VPS53: variants seen among roughly 807,000 people sequenced by gnomAD.
The protein encoded by VPS53 is vacuolar protein sorting-associated protein 53 homolog.
In VPS53, 70 loss-of-function variants were observed where a neutral mutation model predicts 107.0. The observed-to-expected ratio is 0.65, with a 90% CI of 0.54 to 0.80. The LOEUF (loss-of-function observed/expected upper bound fraction) is 0.80. Among genes scored for constraint, VPS53 ranks in the 30% least tolerant of loss-of-function variants. VPS53 has a pLI of 0.00. For missense variants in VPS53, 917 were observed against 1,049.4 expected (o/e 0.87, Z 1.74); for synonymous variants, 409 against 393.3 (o/e 1.04, Z -0.47).
At chr17:559,772 CAG>C (rs1316875780) in intron 15 of VPS53, among the ~76,000 whole-genome samples, 6 of 152,346 alleles carry the variant, frequency 3.9e-5, no homozygotes, top group African/African-American at 1.4e-4. Flanking sequence ...CTCTTGGCCT[CAG>C]GGGAATCCCA....
chr17:548,163 GA>G (rs1051940067), intron 17 of VPS53, among the ~76,000 whole-genome samples: 4 of 152,244 alleles, frequency 2.6e-5, no homozygotes, highest in African/African-American at 9.6e-5. Flanking sequence ...GTGAGCGGCA[GA>G]AACTGACCTA....
intron 17 of VPS53, among the ~76,000 whole-genome samples, chr17:541,843 G>A (rs968657349): frequency 4.8e-5 from 7 of 144,706 alleles, no homozygotes; most frequent in African/African-American, 1.6e-4. Context: ...GACCTACCAC[G>A]CACCAGGGGC....
At chr17:672,309 C>A (rs918173966) in intron 4 of VPS53, among the ~76,000 whole-genome samples, 1 of 152,036 alleles carries the variant, frequency 6.6e-6, no homozygotes, top group African/African-American at 2.4e-5. Flanking sequence ...TCAAACGAGA[C>A]ACAACAGGAT....
Position 561,393 on chromosome 17 carries a change from C to G in VPS53, c.1557-820G>C, listed in dbSNP as rs114007177. On this transcript the variant is annotated intron_variant, in intron 14 of 21. Transcript: ENST00000437048. ...AGTCTCTCTACTGACATAATCCCAGCTGAGTATGCCATTTTTTTCTGCTGA... is the reference window on the plus strand; with the variant it reads ...AGTCTCTCTACTGACATAATCCCAGGTGAGTATGCCATTTTTTTCTGCTGA... Among the ~76,000 whole-genome samples, 964 of 152,316 alleles carry G rather than the reference C, an allele frequency of 6.3e-3. 11 individuals are homozygous for G. Among genetic ancestry groups the G allele is most frequent in the African/African-American group, 0.022 (922 of 41,564 alleles).
chr17:578,300 C>T (rs1398061139), intron 13 of VPS53, among the ~76,000 whole-genome samples: 2 of 150,278 alleles, frequency 1.3e-5, no homozygotes, highest in Admixed American at 6.6e-5. Context: ...GAACCTAATG[C>T]GTTCCCAGAG....
intron 4 of VPS53, among the ~76,000 whole-genome samples, chr17:687,969 A>G (rs960296608): frequency 1.9e-4 from 29 of 152,196 alleles, no homozygotes; most frequent in African/African-American, 6.5e-4. Context: ...AACTACACCA[A>G]TCCTTAGAGA....
chr17:530,086 T>C (rs910654815), intron 19 of VPS53, among the ~76,000 whole-genome samples: 1 of 151,612 alleles, frequency 6.6e-6, no homozygotes, highest in Non-Finnish European at 1.5e-5. Flanking sequence ...TGCTGGTATA[T>C]AGAAATATAT....
chr17:622,408 A>T (rs185668247), intron 11 of VPS53, among the ~76,000 whole-genome samples: 1 of 151,412 alleles, frequency 6.6e-6, no homozygotes, highest in East Asian at 1.9e-4. Flanking sequence ...AAACAAATCT[A>T]GCTCTAAAGA....
chr17:708,348 CAG>C lies in VPS53; in HGVS notation c.168+2183_168+2184del, dbSNP rs375351538. ...GCCCTTCCCTTTGTGGTAGCCGAAG[CAG>C]AGAGGGAGGACAGCAGACGTCAGCA... On this transcript the variant is annotated intron_variant, in intron 2 of 21. Transcript: ENST00000437048. Among the ~76,000 whole-genome samples the C allele has an allele frequency of 6.6e-3, 1,011 of 152,298 alleles. 15 individuals are homozygous for C. The highest frequency in any genetic ancestry group is 0.023 in the African/African-American group (967 of 41,556).
intron 18 of VPS53, among the ~76,000 whole-genome samples, chr17:535,503 T>C (rs1485791013): frequency 2.0e-5 from 3 of 148,846 alleles, no homozygotes; most frequent in Non-Finnish European, 4.5e-5. Context: ...TTCACTTTAA[T>C]GTAAGCTCAA....
chr17:699,222 C>A, intron 3 of VPS53, 109 bp downstream of exon 3: 2 of 793,820 alleles, frequency 2.5e-6, no homozygotes, highest in Non-Finnish European at 3.7e-6. Flanking sequence ...CCATCTATGG[C>A]AAACTTGAGA....
intron 11 of VPS53, among the ~76,000 whole-genome samples, chr17:615,410 G>A (rs1257575020): frequency 6.6e-6 from 1 of 152,102 alleles, no homozygotes; most frequent in Admixed American, 6.5e-5. Context: ...CTTGTCTTCC[G>A]GGCGAGCTGG....
intron 12 of VPS53, among the ~76,000 whole-genome samples, chr17:589,636 C>G (rs766316420): frequency 6.6e-6 from 1 of 152,080 alleles, no homozygotes; most frequent in Non-Finnish European, 1.5e-5. Context: ...TAAAGGATAA[C>G]GTCAGAAAAC....
intron 11 of VPS53, among the ~76,000 whole-genome samples, chr17:607,155 G>A (rs1669559914): frequency 1.3e-5 from 2 of 152,234 alleles, no homozygotes; most frequent in South Asian, 4.1e-4. Flanking sequence ...CAAAACTGTT[G>A]TGCTTCTCTT....
chr17:696,630 T>C (rs555116842), intron 4 of VPS53, among the ~76,000 whole-genome samples: 91 of 152,078 alleles, frequency 6.0e-4, no homozygotes, highest in Non-Finnish European at 1.1e-3. Context: ...AAAAGGGAAA[T>C]GGTTCACAGA....
chr17:611,399 C>T (rs960406719), intron 11 of VPS53, among the ~76,000 whole-genome samples: 9 of 152,214 alleles, frequency 5.9e-5, no homozygotes, highest in Admixed American at 5.9e-4. Context: ...TACTACTCTA[C>T]ACCCATGAGA....
At chr17:544,023 CAGGG>C (rs1442072386) in intron 17 of VPS53, among the ~76,000 whole-genome samples, 5 of 47,116 alleles carry the variant, frequency 1.1e-4, no homozygotes, top group Non-Finnish European at 1.4e-4. Context: ...GTGAGGAAGG[CAGGG>C]AGGGAGGGAG....
chr17:560,299 G>T, intron 15 of VPS53, 127 bp downstream of exon 15: 1 of 1,234,784 alleles, frequency 8.1e-7, no homozygotes. Flanking sequence ...TTCCTCTGTG[G>T]CAGGCCAACT....
chr17:635,949 T>C (rs1970181744), intron 7 of VPS53, among the ~76,000 whole-genome samples: 1 of 152,242 alleles, frequency 6.6e-6, no homozygotes, highest in African/African-American at 2.4e-5. Flanking sequence ...CATTGGTAGC[T>C]TGATGGGGAT....
Sources: allele counts gnomAD v4.1 joint callset (sites outside exome capture counted in the v4.1 genomes callset), GRCh38; gene constraint gnomAD v4.1.1; transcripts MANE v1.5; gene names NCBI Gene and HGNC (gene_info 2026-07-23, HGNC 2026-07-21).